FRK: variants seen among roughly 807,000 people sequenced by gnomAD.
FRK encodes tyrosine-protein kinase FRK.
A neutral mutation model predicts 56.4 loss-of-function variants in FRK; 51 were observed. The observed-to-expected ratio is 0.90, with a 90% CI of 0.72 to 1.14. The LOEUF (loss-of-function observed/expected upper bound fraction) is 1.14. FRK is among the 50% of genes most tolerant of loss of function. The pLI is 0.00. For synonymous variants in FRK, 245 were observed against 217.9 expected (o/e 1.12, Z -1.10); for missense variants, 570 against 601.4 (o/e 0.95, Z 0.55).
In FRK at chr6:115,937,575, A is replaced by T. The variant is rs539741431; in HGVS notation, c.*4839T>A. ...CCCATCAGTGTGCTGTATTCAGGAG[A>T]CCCATCTCACATGCAAAGAGACACA... On this transcript the variant is annotated 3_prime_UTR_variant, in exon 8 of 8. Transcript: ENST00000606080. 1 of 152,260 alleles carries T rather than the reference A, an allele frequency of 6.6e-6. No homozygotes were observed. Among genetic ancestry groups the T allele is most frequent in the African/African-American group, 2.4e-5 (1 of 41,546 alleles). The allele number at this position is 152,260 out of a possible 1,614,324, so 9.4% of individuals were successfully genotyped here. A position where few individuals can be genotyped will look rare whatever the true frequency, so the allele number is the denominator to read the frequency against.
Position 116,004,008 on chromosome 6 carries a change from G to T in FRK, c.345-10C>A. On this transcript the variant is annotated splice_polypyrimidine_tract_variant and intron_variant, in intron 1 of 7. Coordinates refer to ENST00000606080, the MANE Select transcript of FRK (RefSeq NM_002031.3). ...TGCTCCAAAGAACCACCTAAAAAGA[G>T]AGATATGTAAATGTTAAGTAACCAA... 1 of 1,609,246 alleles carries T rather than the reference G, an allele frequency of 6.2e-7. No homozygotes were observed.
At chr6:116,089,062 T>C in the FRK span, among the ~76,000 whole-genome samples, 1 of 152,210 alleles carries the variant, frequency 6.6e-6, no homozygotes, top group African/African-American at 2.4e-5. Flanking sequence ...GACATGAGTG[T>C]AAGAACCATT....
upstream of FRK, among the ~76,000 whole-genome samples, chr6:116,062,664 G>A (rs891298086): frequency 2.0e-4 from 31 of 152,198 alleles, no homozygotes; most frequent in African/African-American, 7.5e-4. Flanking sequence ...GAGCAAGTGA[G>A]TGAAATTCAA....
the FRK span, among the ~76,000 whole-genome samples, chr6:116,100,678 G>T: frequency 2.0e-4 from 31 of 152,182 alleles, no homozygotes; most frequent in Non-Finnish European, 7.4e-5. Context: ...CGGCATTGGG[G>T]TACCAGGAGG....
intron 1 of FRK, among the ~76,000 whole-genome samples, chr6:116,057,003 A>G (rs1263075423): frequency 6.6e-6 from 1 of 152,258 alleles, no homozygotes; most frequent in Non-Finnish European, 1.5e-5. Context: ...AAAACAAACA[A>G]ACTGCAAACT....
rs1024100911 is a variant in FRK, at chr6:115,940,517, G to T, written c.*1897C>A. 1 of 152,096 alleles carries T rather than the reference G, an allele frequency of 6.6e-6. No individual in the cohort carries two copies. The highest frequency in any genetic ancestry group is 2.4e-5 in the African/African-American group (1 of 41,408). 9.4% of individuals were successfully genotyped at this position (152,096 alleles called of 1,614,324 possible). On this transcript the variant is annotated 3_prime_UTR_variant, in exon 8 of 8. Transcript: ENST00000606080. ...ACTAAAGAGCTTCTAGACAGCAAAA[G>T]AAACTATCATCAGAGTGAACAGGCA... is the stretch of plus-strand genomic sequence containing the variant.
intron 1 of FRK, among the ~76,000 whole-genome samples, chr6:116,017,222 C>T (rs1775690566): frequency 6.6e-6 from 1 of 152,154 alleles, no homozygotes; most frequent in Non-Finnish European, 1.5e-5. Flanking sequence ...AAAGCTGTCT[C>T]CTTACACGTT....
intron 2 of FRK, among the ~76,000 whole-genome samples, chr6:115,977,382 G>C (rs1774028567): frequency 6.6e-6 from 1 of 152,168 alleles, no homozygotes; most frequent in Non-Finnish European, 1.5e-5. Context: ...AACAAACACA[G>C]CTGATTCATT....
chr6:116,094,620 C>T, the FRK span, among the ~76,000 whole-genome samples: 30 of 152,302 alleles, frequency 2.0e-4, 1 homozygote, highest in Admixed American at 1.2e-3. Flanking sequence ...AGTTATTGCA[C>T]GCAGTGCAAA....
At chr6:116,069,417 C>A in the FRK span, among the ~76,000 whole-genome samples, 1 of 152,052 alleles carries the variant, frequency 6.6e-6, no homozygotes, top group East Asian at 1.9e-4. Context: ...GCCTCTCTTG[C>A]AGTTAACTCC....
chr6:116,019,260 T>C (rs899661981), intron 1 of FRK, among the ~76,000 whole-genome samples: 1 of 152,148 alleles, frequency 6.6e-6, no homozygotes, highest in Non-Finnish European at 1.5e-5. Flanking sequence ...GCACAACACA[T>C]GGTATTAAAT....
At chr6:115,999,462 C>T (rs1774966668) in intron 2 of FRK, among the ~76,000 whole-genome samples, 1 of 152,180 alleles carries the variant, frequency 6.6e-6, no homozygotes, top group African/African-American at 2.4e-5. Flanking sequence ...CCAATTAGCA[C>T]CCACCCAACC....
the FRK span, among the ~76,000 whole-genome samples, chr6:116,073,965 G>A: frequency 6.6e-6 from 1 of 152,130 alleles, no homozygotes; most frequent in African/African-American, 2.4e-5. Flanking sequence ...CCTGTCCTCT[G>A]CCCACCACAT....
rs570464412 is a variant in FRK at position 115,941,529 on chromosome 6, C to G, written c.*885G>C. ...AATAAAAAATAAATAAAACTCTGAT[C>G]TGTAGGCCAAAGGGTACTTCTTTTT... On this transcript the variant is annotated 3_prime_UTR_variant, in exon 8 of 8. Transcript: ENST00000606080. 6.6e-6 allele frequency: 1 copy of G among 152,182 alleles called. No homozygotes were observed. Among genetic ancestry groups the G allele is most frequent in the African/African-American group, 2.4e-5 (1 of 41,528 alleles). The allele number at this position is 152,182 out of a possible 1,614,324, so 9.4% of individuals were successfully genotyped here.
At chr6:116,057,080 T>C (rs1242007793) in intron 1 of FRK, among the ~76,000 whole-genome samples, 1 of 152,200 alleles carries the variant, frequency 6.6e-6, no homozygotes, top group Non-Finnish European at 1.5e-5. Flanking sequence ...TTCTTACAGA[T>C]GCACATCAAA....
the FRK span, among the ~76,000 whole-genome samples, chr6:116,079,127 T>G: frequency 6.6e-6 from 1 of 152,128 alleles, no homozygotes; most frequent in Non-Finnish European, 1.5e-5. Flanking sequence ...TTTCTCTCTC[T>G]AGCGGTGAAA....
intron 2 of FRK, chr6:116,002,800 C>A: frequency 2.3e-6 from 1 of 433,686 alleles, no homozygotes; most frequent in Non-Finnish European, 4.7e-6. Flanking sequence ...CAACACCTGC[C>A]TCAAAACCAC....
rs1358682344 is a variant in FRK, at chr6:115,942,301, A to C, written c.*113T>G. ...AATACATGGCCAACTTTATCCTATC[A>C]CTTGAATATGTCAGGATAAACTGAT... On this transcript the variant is annotated 3_prime_UTR_variant, in exon 8 of 8. Transcript: ENST00000606080. The C allele has an allele frequency of 4.6e-6, 4 of 864,924 alleles. No homozygotes were observed. The highest frequency in any genetic ancestry group is 7.3e-6 in the Non-Finnish European group (4 of 550,854). The allele number at this position is 864,924 out of a possible 1,614,324, so 53.6% of individuals were successfully genotyped here. A position where few individuals can be genotyped will look rare whatever the true frequency, so the allele number is the denominator to read the frequency against.
chr6:115,980,196 TCAC>T (rs1774143601), intron 2 of FRK, among the ~76,000 whole-genome samples: 2 of 152,080 alleles, frequency 1.3e-5, no homozygotes, highest in Admixed American at 1.3e-4. Context: ...ACAACACAGT[TCAC>T]CACCCAGAAG....
Sources: allele counts gnomAD v4.1 joint callset (sites outside exome capture counted in the v4.1 genomes callset), GRCh38; gene constraint gnomAD v4.1.1; transcripts MANE v1.5; gene names NCBI Gene and HGNC (gene_info 2026-07-23, HGNC 2026-07-21).